Variants in FBXO34 observed in about 807,000 individuals in gnomAD.
FBXO34 encodes the protein F-box protein 34.
A neutral mutation model predicts 24.5 loss-of-function variants in FBXO34; 12 were observed. The observed-to-expected ratio is 0.49, with a 90% CI of 0.31 to 0.79. The LOEUF is 0.79. FBXO34 is among the 30% of genes least tolerant of loss of function. FBXO34 has a pLI of 0.04. For missense variants in FBXO34, 823 were observed against 857.7 expected (o/e 0.96, Z 0.51); for synonymous variants, 320 against 311.9 (o/e 1.03, Z -0.27).
chr14:55,413,560 G>T, the FBXO34 span: 1 of 437,286 alleles, frequency 2.3e-6, no homozygotes, highest in Non-Finnish European at 4.6e-6. Context: ...CACCTATTAT[G>T]CCATGAACTC....
chr14:55,424,594 T>C, the FBXO34 span, among the ~76,000 whole-genome samples: 2 of 152,350 alleles, frequency 1.3e-5, no homozygotes, highest in East Asian at 3.9e-4. Context: ...TAAGAATACA[T>C]AATCATGTTT....
chr14:55,329,484 C>T (rs1198128679), intron 1 of FBXO34, among the ~76,000 whole-genome samples: 1 of 152,020 alleles, frequency 6.6e-6, no homozygotes, highest in Non-Finnish European at 1.5e-5. Context: ...TGTAATAAAC[C>T]AATTCAGTAA....
chr14:55,400,909 T>TA, the FBXO34 span, among the ~76,000 whole-genome samples: 224 of 143,344 alleles, frequency 1.6e-3, 1 homozygote, highest in African/African-American at 5.2e-3. Flanking sequence ...CTCAAATAAA[T>TA]AAATAAAATA....
intron 1 of FBXO34, among the ~76,000 whole-genome samples, chr14:55,333,264 TGA>T (rs1883660789): frequency 6.6e-6 from 1 of 152,198 alleles, no homozygotes; most frequent in Non-Finnish European, 1.5e-5. Flanking sequence ...AAATTTTTGT[TGA>T]GGGAGTTTTG....
At chr14:55,311,521 T>C (rs140958028) in intron 1 of FBXO34, among the ~76,000 whole-genome samples, 8 of 152,258 alleles carry the variant, frequency 5.3e-5, no homozygotes, top group Non-Finnish European at 1.2e-4. Flanking sequence ...AAGTCCAAAG[T>C]GTCATGTGAG....
intron 1 of FBXO34, among the ~76,000 whole-genome samples, chr14:55,280,657 G>A (rs1881505109): frequency 6.6e-6 from 1 of 151,082 alleles, no homozygotes; most frequent in African/African-American, 2.4e-5. Flanking sequence ...CTCCCAAGTA[G>A]CTGGGACTAC....
the FBXO34 span, among the ~76,000 whole-genome samples, chr14:55,437,796 C>G: frequency 6.6e-6 from 1 of 152,152 alleles, no homozygotes; most frequent in Non-Finnish European, 1.5e-5. Context: ...GAATGCTAAT[C>G]AAGACTCACT....
chr14:55,380,287 C>G, the FBXO34 span, among the ~76,000 whole-genome samples: 1 of 151,956 alleles, frequency 6.6e-6, no homozygotes, highest in Non-Finnish European at 1.5e-5. Context: ...TCAAAGAATT[C>G]AACGGCTGCG....
the FBXO34 span, among the ~76,000 whole-genome samples, chr14:55,437,263 G>A: frequency 6.6e-6 from 1 of 152,230 alleles, no homozygotes; most frequent in Admixed American, 6.5e-5. Flanking sequence ...GATGGCTGGA[G>A]GCTAGGAGTT....
chr14:55,416,363 G>A, the FBXO34 span, among the ~76,000 whole-genome samples: 2 of 152,054 alleles, frequency 1.3e-5, no homozygotes, highest in Non-Finnish European at 2.9e-5. Flanking sequence ...AGGCCAAGGT[G>A]GGAGGATCCC....
chr14:55,383,403 A>G, the FBXO34 span, among the ~76,000 whole-genome samples: 3 of 151,808 alleles, frequency 2.0e-5, no homozygotes, highest in Non-Finnish European at 4.4e-5. Flanking sequence ...ATACAAAAAT[A>G]AGCTGGGCGT....
chr14:55,328,797 A>G (rs1030066224), intron 1 of FBXO34, among the ~76,000 whole-genome samples: 1 of 152,164 alleles, frequency 6.6e-6, no homozygotes, highest in African/African-American at 2.4e-5. Flanking sequence ...GGGGTATTGC[A>G]GTGAACTCAC....
chr14:55,368,846 G>A (rs1884745029), downstream of FBXO34: 3 of 152,420 alleles, frequency 2.0e-5, no homozygotes, highest in South Asian at 6.2e-4. Flanking sequence ...TGCTCATAGT[G>A]TGGATGGCAG....
At chr14:55,414,366 C>G in the FBXO34 span, 1 of 1,579,990 alleles carries the variant, frequency 6.3e-7, no homozygotes, top group African/African-American at 1.4e-5. Context: ...ATGTGAGATG[C>G]TGAATGATAT....
At chr14:55,436,962 C>G in the FBXO34 span, 1 of 1,614,170 alleles carries the variant, frequency 6.2e-7, no homozygotes, top group Non-Finnish European at 8.5e-7. Flanking sequence ...TCAGTATGTA[C>G]ATATCATAAG....
downstream of FBXO34, chr14:55,369,628 TC>T: frequency 6.6e-7 from 1 of 1,518,484 alleles, no homozygotes; most frequent in South Asian, 1.3e-5. Context: ...GTTAACGGTG[TC>T]CAGTGTAAGC....
At chr14:55,303,750 T>C (rs948600793) in intron 1 of FBXO34, among the ~76,000 whole-genome samples, 1 of 152,068 alleles carries the variant, frequency 6.6e-6, no homozygotes, top group African/African-American at 2.4e-5. Flanking sequence ...AGAGGGAGAA[T>C]GATGTTATGA....
intron 3 of FBXO34, among the ~76,000 whole-genome samples, chr14:55,359,211 C>T (rs1884561141): frequency 6.6e-6 from 1 of 152,128 alleles, no homozygotes; most frequent in South Asian, 2.1e-4. Flanking sequence ...CTCCCCCCAG[C>T]TCTTCTTCAG....
chr14:55,436,936 T>C, the FBXO34 span: 2 of 1,614,208 alleles, frequency 1.2e-6, no homozygotes, highest in Non-Finnish European at 1.7e-6. Flanking sequence ...AAATGCAGTA[T>C]CCGGATTGGA....
Sources: gnomAD v4.1 joint callset for allele counts (sites outside exome capture counted in the v4.1 genomes callset) on GRCh38, gnomAD v4.1.1 for gene constraint, MANE v1.5 for transcripts, NCBI Gene and HGNC (gene_info 2026-07-23, HGNC 2026-07-21) for gene names.